Variants in NUP205 observed in about 807,000 individuals in gnomAD.
The protein encoded by NUP205 is nucleoporin 205.
NUP205 carries 76 observed loss-of-function variants against 253.8 expected under a neutral mutation model. That is an observed-to-expected ratio of 0.30 (90% CI 0.25 to 0.36). NUP205 has a LOEUF of 0.36. NUP205 is among the 10% of genes least tolerant of loss of function. The pLI is 1.00. For missense variants in NUP205, 2,162 were observed against 2,425.5 expected (o/e 0.89, Z 2.28); for synonymous variants, 832 against 850.1 (o/e 0.98, Z 0.37).
intron 35 of NUP205, among the ~76,000 whole-genome samples, chr7:135,631,052 C>G (rs967528513): frequency 6.6e-6 from 1 of 150,770 alleles, no homozygotes; most frequent in African/African-American, 2.4e-5. Flanking sequence ...AATTTTCAAA[C>G]ATTGCTTTAT....
At chr7:135,646,433 C>T (rs1795012454) in intron 42 of NUP205, among the ~76,000 whole-genome samples, 1 of 151,962 alleles carries the variant, frequency 6.6e-6, no homozygotes, top group African/African-American at 2.4e-5. Flanking sequence ...GTGGCATGCA[C>T]CTGTAGTCAC....
At position 135,573,743 on chromosome 7, in the gene NUP205, T is replaced by G. The variant is rs1288644127; in HGVS notation, c.261T>G (p.Pro87=). 1 of 1,613,962 alleles carries G rather than the reference T, an allele frequency of 6.2e-7. No homozygotes were observed. The highest frequency in any genetic ancestry group is 1.7e-5 in the Admixed American group (1 of 60,016). ...IQGQQGTRLL[P]EQLIKEAFIL... ...GTCAACAGGGAACTCGACTTCTTCC[T>G]GAACAGCTCATTAAAGAAGCCTTTA... The change falls in exon 3 of 43, where the codon CCT becomes CCG. Residue 87 remains proline, a synonymous_variant. Transcript: ENST00000285968.
chr7:135,584,979 C>A lies in NUP205; in HGVS notation c.1190C>A (p.Thr397Lys). Residue 397 changes from threonine to lysine, a missense_variant, in exon 8 of 43, where the codon ACA becomes AAA. Around this residue, in one of 5 missense-constraint regions of NUP205, gnomAD observed 892 missense variants for 957.1 expected, o/e 0.93. Coordinates refer to ENST00000285968, the MANE Select transcript of NUP205 (RefSeq NM_015135.3). The stretch of plus-strand genomic sequence containing the variant: ...ATTCGCAGAGTCCATAATCTCATCA[C>A]AGATTTCCTTGCACTTATGCCAATG... ...FYIRRVHNLI[T>K]DFLALMPMKV... is the part of the protein sequence containing the mutation. The A allele has an allele frequency of 6.2e-7, 1 of 1,613,230 alleles. No homozygotes were observed. The highest frequency in any genetic ancestry group is 1.7e-4 in the Middle Eastern group (1 of 6,058).
intron 16 of NUP205, 114 bp downstream of exon 16, chr7:135,601,083 G>C (rs916090777): frequency 5.0e-5 from 31 of 615,042 alleles, no homozygotes; most frequent in Non-Finnish European, 8.1e-5. Flanking sequence ...TTAATCTTTT[G>C]TTTCATTGTT....
Position 135,618,489 on chromosome 7 carries a change from G to A in NUP205, c.3849G>A (p.Leu1283=). The A allele has an allele frequency of 6.2e-7, 1 of 1,614,092 alleles. No individual in the cohort carries two copies. The highest frequency in any genetic ancestry group is 8.5e-7 in the Non-Finnish European group (1 of 1,179,994). The part of the protein sequence containing the change: ...LQCLHAKRHA[L]ESWRQLVEII... Reference sequence around the variant, plus strand: ...GTCTTCATGCAAAACGTCATGCTCTGGAGTCGTGGAGGCAACTAGTAGAAA... The same window carrying A: ...GTCTTCATGCAAAACGTCATGCTCTAGAGTCGTGGAGGCAACTAGTAGAAA... Residue 1283 remains leucine, a synonymous_variant, in exon 28 of 43, where the codon CTG becomes CTA. Transcript: ENST00000285968.
At chr7:135,606,278 C>T in intron 20 of NUP205, 52 bp downstream of exon 20, 3 of 1,143,278 alleles carry the variant, frequency 2.6e-6, no homozygotes, top group South Asian at 1.3e-5. Flanking sequence ...TTTATATATG[C>T]TTAATTTAAA....
intron 40 of NUP205, 51 bp from the exon 41 acceptor site, chr7:135,645,417 G>C: frequency 6.3e-7 from 1 of 1,584,814 alleles, no homozygotes; most frequent in Admixed American, 1.8e-5. Context: ...AAACTGGTGT[G>C]TAAAACATAT....
intron 5 of NUP205, 76 bp downstream of exon 5, chr7:135,577,204 A>AT (rs1182447862): frequency 2.9e-6 from 4 of 1,396,042 alleles, no homozygotes; most frequent in Non-Finnish European, 2.9e-6. Flanking sequence ...TAGAATGTTC[A>AT]TTTTTTCAAG....
chr7:135,633,032 C>T lies in NUP205; in HGVS notation c.5060-2549C>T, dbSNP rs565066514. Among the ~76,000 whole-genome samples the T allele has an allele frequency of 3.0e-3, 452 of 152,178 alleles. 1 individual carries two copies. Among genetic ancestry groups the T allele is most frequent in the South Asian group, 0.019 (94 of 4,822 alleles). ...CCAGGCTGGAGTGCAAAGCTGCAATCGTGGCTCACTGCAGCCTCGACCTAC... is the reference window on the plus strand; with the variant it reads ...CCAGGCTGGAGTGCAAAGCTGCAATTGTGGCTCACTGCAGCCTCGACCTAC... On this transcript the variant is annotated intron_variant, in intron 35 of 42. Transcript: ENST00000285968.
At chr7:135,631,804 C>T (rs1240762117) in intron 35 of NUP205, among the ~76,000 whole-genome samples, 2 of 148,170 alleles carry the variant, frequency 1.3e-5, no homozygotes, top group Non-Finnish European at 3.0e-5. Context: ...GGCTAGAGTG[C>T]AGTGGCGCGA....
chr7:135,608,677 C>T (rs978358332), intron 22 of NUP205, among the ~76,000 whole-genome samples: 1 of 152,002 alleles, frequency 6.6e-6, no homozygotes, highest in Non-Finnish European at 1.5e-5. Flanking sequence ...CACTGCACTC[C>T]AGCTGGGTGG....
rs1175072940 is a variant in NUP205 at position 135,577,081 on chromosome 7, A to G, written c.601A>G (p.Lys201Glu). 11 of 1,613,940 alleles carry G rather than the reference A, an allele frequency of 6.8e-6. No homozygotes were observed. The highest frequency in any genetic ancestry group is 8.5e-6 in the Non-Finnish European group (10 of 1,179,976). Residue 201 changes from lysine (K) to glutamate (E), a missense_variant, in exon 5 of 43, where the codon AAA becomes GAA. Physicochemically the swap from Lys to Glu is moderately conservative, Grantham distance 56. Transcript: ENST00000285968. Reference protein sequence around the residue: ...SQIDVNNEFEKLQRERGLGSE... With the variant: ...SQIDVNNEFEELQRERGLGSE... Reference sequence around the variant, plus strand: ...GATTGATGTGAATAATGAGTTTGAGAAACTACAGCGAGAGAGAGGTTTGGG... The same window carrying G: ...GATTGATGTGAATAATGAGTTTGAGGAACTACAGCGAGAGAGAGGTTTGGG...
intron 1 of NUP205, among the ~76,000 whole-genome samples, chr7:135,570,756 T>TTATATATTAATATAA (rs1805954629): frequency 2.7e-5 from 2 of 72,894 alleles, no homozygotes; most frequent in Non-Finnish European, 5.1e-5. Context: ...TTAATTATAT[T>TTATATATTAATATAA]TATATATTAT....
chr7:135,635,685 C>T, intron 36 of NUP205, 28 bp downstream of exon 36: 2 of 1,329,512 alleles, frequency 1.5e-6, no homozygotes, highest in Admixed American at 3.5e-5. Flanking sequence ...CTTTAAATAG[C>T]AGTTATAAGA....
At chr7:135,598,249 T>C (rs774478051) in intron 15 of NUP205, 42 bp downstream of exon 15, 3 of 1,520,514 alleles carry the variant, frequency 2.0e-6, no homozygotes, top group South Asian at 1.2e-5. Context: ...ATGCATTTAC[T>C]GCTTTTTCTT....
At chr7:135,617,794 A>G (rs1794392197) in intron 27 of NUP205, 112 bp downstream of exon 27, 1 of 543,542 alleles carries the variant, frequency 1.8e-6, no homozygotes, top group African/African-American at 1.9e-5. Context: ...AGCTGCCTAA[A>G]AATTAAACAT....
Position 135,573,794 on chromosome 7 carries a change from A to G in NUP205, c.312A>G (p.Gly104=), listed in dbSNP as rs1472391684. 1.2e-6 allele frequency: 2 copies of G among 1,613,022 alleles called. No homozygotes were observed. The highest frequency in any genetic ancestry group is 1.7e-6 in the Non-Finnish European group (2 of 1,179,706). ...TTCTCAGTGACCTTTTTGATATTGGAGAATTGGCAGCTGTTGAGCTTCTTC... is the reference window on the plus strand; with the variant it reads ...TTCTCAGTGACCTTTTTGATATTGGGGAATTGGCAGCTGTTGAGCTTCTTC... ...AFILSDLFDI[G]ELAAVELLLA... Residue 104 remains glycine (G), a synonymous_variant, in exon 3 of 43, where the codon GGA becomes GGG. Transcript: ENST00000285968.
At chr7:135,613,399 A>C (rs1794284967) in intron 22 of NUP205, among the ~76,000 whole-genome samples, 1 of 150,736 alleles carries the variant, frequency 6.6e-6, no homozygotes, top group South Asian at 2.1e-4. Flanking sequence ...TATTTAGTTG[A>C]ATTTATGGAT....
intron 1 of NUP205, among the ~76,000 whole-genome samples, chr7:135,569,047 A>G (rs1452222540): frequency 6.6e-6 from 1 of 151,994 alleles, no homozygotes; most frequent in Non-Finnish European, 1.5e-5. Flanking sequence ...TTGATACTTT[A>G]CTGTTCATTT....
Sources: allele counts gnomAD v4.1 joint callset (sites outside exome capture counted in the v4.1 genomes callset), GRCh38; gene constraint gnomAD v4.1.1; regional missense constraint gnomAD v4.1.1; transcripts MANE v1.5; gene names NCBI Gene and HGNC (gene_info 2026-07-23, HGNC 2026-07-21).